The following DRP2 variants were observed in gnomAD, a reference collection of about 807,000 sequenced individuals.
DRP2 encodes dystrophin-related protein 2.
In DRP2, 29 loss-of-function variants were observed where a neutral mutation model predicts 78.2. The observed-to-expected ratio is 0.37, with a 90% CI of 0.28 to 0.51. DRP2 has a LOEUF of 0.51. Ranked by LOEUF, DRP2 falls within the 20% of genes least tolerant of loss-of-function variation. The pLI, the probability that DRP2 is intolerant of heterozygous loss-of-function variation, is 0.94. For synonymous variants in DRP2, 290 were observed against 281.9 expected (o/e 1.03, Z -0.29); for missense variants, 686 against 770.6 (o/e 0.89, Z 1.30).
rs759250165 is a variant in DRP2, at chrX:101,252,732, G to T, written c.1977+16G>T. ...TTACACACCGGTATGAAGCCTCCAG[G>T]CTGGGTGGGAGGGTTAGGCAGCTCT... On this transcript the variant is annotated intron_variant, in intron 17 of 23. Transcript: ENST00000395209. The T allele has an allele frequency of 2.5e-6, 3 of 1,182,612 alleles. No homozygotes were observed. The highest frequency in any genetic ancestry group is 3.4e-6 in the Non-Finnish European group (3 of 870,638).
Position 101,260,766 on chromosome X carries a change from T to A in DRP2, c.*145T>A. The A allele has an allele frequency of 1.3e-6, 1 of 771,393 alleles. No homozygotes were observed. The highest frequency in any genetic ancestry group is 1.8e-6 in the Non-Finnish European group (1 of 551,315). 63.6% of individuals were successfully genotyped at this position (771,393 alleles called of 1,213,427 possible). On this transcript the variant is annotated 3_prime_UTR_variant, in exon 24 of 24. Transcript: ENST00000395209. ...TTTGGGCTCTGGGCAGCAGCAGGGA[T>A]CTGGTGGTATGTGAGGTGCATGCGG... is the stretch of plus-strand genomic sequence containing the variant.
At position 101,256,073 on chromosome X, in the gene DRP2, G is replaced by A. The variant is rs139691084; in HGVS notation, c.2247-45G>A. ...GAGCTGAGAGCTGAGTTGTTTCTCTGTTCAACAACTGGTCACCTACTCTGC... is the reference window on the plus strand; with the variant it reads ...GAGCTGAGAGCTGAGTTGTTTCTCTATTCAACAACTGGTCACCTACTCTGC... On this transcript the variant is annotated intron_variant, in intron 20 of 23. Transcript: ENST00000395209. 1,800 of 1,123,789 alleles carry A rather than the reference G, an allele frequency of 1.6e-3. 3 individuals are homozygous for A. Among genetic ancestry groups the A allele is most frequent in the Non-Finnish European group, 2.0e-3 (1,668 of 854,393 alleles). 92.6% of individuals were successfully genotyped at this position (1,123,789 alleles called of 1,213,427 possible).
intron 3 of DRP2, among the ~76,000 whole-genome samples, chrX:101,233,072 G>A (rs1021764533): frequency 8.9e-6 from 1 of 112,360 alleles, no homozygotes; most frequent in Non-Finnish European, 1.9e-5. Flanking sequence ...TGATAGGGAA[G>A]GAGAAAGAAA....
Position 101,255,210 on chromosome X carries a change from G to C in DRP2, c.2207G>C (p.Cys736Ser). The C allele has an allele frequency of 8.3e-7, 1 of 1,211,411 alleles. No homozygotes were observed. Among genetic ancestry groups the C allele is most frequent in the Non-Finnish European group, 1.1e-6 (1 of 895,389 alleles). ...SRLAEMESQN[C>S]SFFNDSLSPD... is the part of the protein sequence containing the mutation. ...CTTGCTGAGATGGAAAGTCAAAATT[G>C]CTCCTTCTTTAATGACAGCTTGTCC... The change falls in exon 20 of 24, where the codon TGC (cysteine) becomes TCC (serine). Residue 736 changes from cysteine (C) to serine (S), a missense_variant. Around this residue, in one of 2 missense-constraint regions of DRP2, gnomAD observed 423 missense variants for 531.5 expected, o/e 0.80. Transcript: ENST00000395209.
chrX:101,244,148 A>G (rs1041250325), intron 9 of DRP2, among the ~76,000 whole-genome samples: 1 of 111,159 alleles, frequency 9.0e-6, no homozygotes, highest in Non-Finnish European at 1.9e-5. Flanking sequence ...TTATGTTTCA[A>G]CAGAGTCAGG....
At chrX:101,255,297 T>C (rs1156597925) in intron 20 of DRP2, 48 bp downstream of exon 20, 8 of 1,138,391 alleles carry the variant, frequency 7.0e-6, no homozygotes, top group Non-Finnish European at 9.6e-6. Context: ...CTCCTTGAGA[T>C]CTTTGTGCCA....
intron 5 of DRP2, among the ~76,000 whole-genome samples, chrX:101,238,280 T>G (rs941700413): frequency 4.5e-5 from 5 of 111,606 alleles, no homozygotes; most frequent in Admixed American, 3.8e-4. Flanking sequence ...TTAAAATGAC[T>G]ACAGAATGAA....
chrX:101,249,594 A>G (rs1277239440), intron 14 of DRP2, among the ~76,000 whole-genome samples: 1 of 111,362 alleles, frequency 9.0e-6, no homozygotes, highest in Non-Finnish European at 1.9e-5. Context: ...TCCATTTCTA[A>G]TTTTAAAAAG....
In DRP2 at chrX:101,224,181, G is replaced by GTTTTTTTTTTTTTTTTTTTTTTTTT. The variant is rs1379202759; in HGVS notation, c.-166-423_-166-422insTTTTTTTTTTTTTTTTTTTTTTTTT. 4.8e-4 allele frequency among the ~76,000 whole-genome samples: 23 copies of GTTTTTTTTTTTTTTTTTTTTTTTTT among 47,650 alleles called. 7 individuals carry two copies. The highest frequency in any genetic ancestry group is 1.2e-3 in the African/African-American group (10 of 8,192). The allele number at this position is 47,650 out of a possible 115,157, so 41.4% of individuals were successfully genotyped here. A position where few individuals can be genotyped will look rare whatever the true frequency, so the allele number is the denominator to read the frequency against. ...TCCCAAGAATAATAAATGTTTGCTG[G>GTTTTTTTTTTTTTTTTTTTTTTTTT]GTTTTTTTTGTTTTTTTTTTTTTTT... On this transcript the variant is annotated intron_variant, in intron 1 of 23. Transcript: ENST00000395209.
Position 101,231,680 on chromosome X carries a change from C to T in DRP2, c.33C>T (p.Tyr11=), listed in dbSNP as rs751070986. 9.1e-6 allele frequency: 11 copies of T among 1,211,278 alleles called. No homozygotes were observed. The highest frequency in any genetic ancestry group is 6.5e-5 in the Admixed American group (3 of 45,990). The change falls in exon 3 of 24, where the codon TAC becomes TAT. Residue 11 remains tyrosine, a synonymous_variant. Transcript: ENST00000395209. Reference sequence around the variant, plus strand: ...CTATGGTCATGCAGGGATGCCCTTACACCCTCCCACGATGTCATGACTGGC... The same window carrying T: ...CTATGGTCATGCAGGGATGCCCTTATACCCTCCCACGATGTCATGACTGGC... MQPMVMQGCP[Y]TLPRCHDWQA... is the part of the protein sequence containing the mutation.
chrX:101,237,775 G>A lies in DRP2; in HGVS notation c.438G>A (p.Ala146=), dbSNP rs372809310. The change falls in exon 5 of 24, where the codon GCG becomes GCA. Residue 146 remains alanine (A), a splice_region_variant and synonymous_variant. Coordinates refer to ENST00000395209, the MANE Select transcript of DRP2 (RefSeq NM_001939.3). ...TGCAACAGGAGAAGGAGACACATGC[G>A]GTAGGTTAGAATCAGAGAAGCCGTG... The part of the protein sequence containing the change: ...ALVQQEKETH[A]AFMEEVKSRG... 3.5e-6 allele frequency: 4 copies of A among 1,137,501 alleles called. No homozygotes were observed. Among genetic ancestry groups the A allele is most frequent in the East Asian group, 3.1e-5 (1 of 32,265 alleles). 93.7% of individuals were successfully genotyped at this position (1,137,501 alleles called of 1,213,427 possible). A position where few individuals can be genotyped will look rare whatever the true frequency, so the allele number is the denominator to read the frequency against.
chrX:101,258,299 T>C lies in DRP2; in HGVS notation c.2391-10T>C. The C allele has an allele frequency of 8.6e-7, 1 of 1,166,446 alleles. No homozygotes were observed. Among genetic ancestry groups the C allele is most frequent in the Non-Finnish European group, 1.1e-6 (1 of 870,508 alleles). On this transcript the variant is annotated splice_polypyrimidine_tract_variant and intron_variant, in intron 21 of 23. Transcript: ENST00000395209. ...AGAGCCATAGGTCTTGGTGTCTCTC[T>C]CCATGGCAGGATTCTCCAGGGAGAG...
At chrX:101,229,592 GA>G (rs1922233160) in intron 2 of DRP2, among the ~76,000 whole-genome samples, 1 of 110,503 alleles carries the variant, frequency 9.0e-6, no homozygotes, top group South Asian at 3.9e-4. Context: ...GGTGAAGTGA[GA>G]TTTTTTTTTT....
intron 1 of DRP2, among the ~76,000 whole-genome samples, chrX:101,222,693 A>G (rs1321750737): frequency 2.7e-5 from 3 of 112,739 alleles, no homozygotes; most frequent in Non-Finnish European, 5.6e-5. Context: ...TCTTTTAAAC[A>G]ATGTGTTATG....
At chrX:101,243,113 G>C in intron 9 of DRP2, 131 bp downstream of exon 9, 1 of 544,936 alleles carries the variant, frequency 1.8e-6, no homozygotes, top group Non-Finnish European at 3.0e-6. Context: ...GGATAAAACA[G>C]TGTGGTATAG....
chrX:101,256,436 G>C (rs1419953278), intron 21 of DRP2, among the ~76,000 whole-genome samples, 175 bp downstream of exon 21: 1 of 111,672 alleles, frequency 9.0e-6, no homozygotes, highest in Non-Finnish European at 1.9e-5. Flanking sequence ...TGCCTCCTAG[G>C]GTCACTTGTG....
chrX:101,256,183 A>G lies in DRP2; in HGVS notation c.2312A>G (p.Gln771Arg), dbSNP rs1923331127. ...ACAGACCGGGAGCCAGCCTTTGGAC[A>G]GCAGGCTCCATGCAGTGTGGCCACA... ...PITDREPAFG[Q>R]QAPCSVATES... The change falls in exon 21 of 24, where the codon CAG (glutamine) becomes CGG (arginine). Residue 771 changes from glutamine to arginine, a missense_variant. Transcript: ENST00000395209. 2 of 1,208,528 alleles carry G rather than the reference A, an allele frequency of 1.7e-6. No individual in the cohort carries two copies. The highest frequency in any genetic ancestry group is 1.1e-6 in the Non-Finnish European group (1 of 894,104).
At chrX:101,231,037 C>T (rs1223771084) in intron 2 of DRP2, among the ~76,000 whole-genome samples, 2 of 112,304 alleles carry the variant, frequency 1.8e-5, no homozygotes, top group Non-Finnish European at 3.8e-5. Flanking sequence ...CTAACCATAC[C>T]GATCCCATTG....
intron 2 of DRP2, among the ~76,000 whole-genome samples, chrX:101,230,080 C>A (rs1398626261): frequency 3.6e-5 from 4 of 112,225 alleles, no homozygotes; most frequent in African/African-American, 1.3e-4. Flanking sequence ...AATTGATCAT[C>A]AAGCCCAGTG....
Sources: gnomAD v4.1 joint callset for allele counts (sites outside exome capture counted in the v4.1 genomes callset) on GRCh38, gnomAD v4.1.1 for gene constraint, gnomAD v4.1.1 regional missense constraint, MANE v1.5 for transcripts, NCBI Gene and HGNC (gene_info 2026-07-23, HGNC 2026-07-21) for gene names.